The following FRMPD4 variants were observed in gnomAD, a reference collection of about 807,000 sequenced individuals.
The protein encoded by FRMPD4 is FERM and PDZ domain containing 4.
A neutral mutation model predicts 94.1 loss-of-function variants in FRMPD4; 22 were observed. The ratio of observed to expected loss-of-function variants is 0.23; its 90% CI spans 0.17 to 0.33. The LOEUF (loss-of-function observed/expected upper bound fraction) is 0.33. Ranked by LOEUF, FRMPD4 falls within the 10% of genes least tolerant of loss-of-function variation. The pLI is 1.00. For synonymous variants in FRMPD4, 631 were observed against 548.6 expected, an observed-to-expected ratio of 1.15 and a Z score of -2.10; for missense variants, 1,111 against 1,339.9, an observed-to-expected ratio of 0.83 and a Z score of 2.67.
intron 1 of FRMPD4, among the ~76,000 whole-genome samples, chrX:12,284,882 C>T (rs758661817): frequency 8.9e-6 from 1 of 112,024 alleles, no homozygotes; most frequent in East Asian, 2.8e-4. Flanking sequence ...CTCTATGCCT[C>T]AGTTTTCTCA....
At chrX:12,065,076 G>A (rs2054910772) in intron 3 of FRMPD4, among the ~76,000 whole-genome samples, 1 of 112,412 alleles carries the variant, frequency 8.9e-6, no homozygotes, top group African/African-American at 3.2e-5. Flanking sequence ...GTTAAAGGAT[G>A]TAAAGATTCC....
chrX:12,587,254 C>A (rs189327418), intron 2 of FRMPD4, among the ~76,000 whole-genome samples: 1 of 111,820 alleles, frequency 8.9e-6, no homozygotes, highest in Non-Finnish European at 1.9e-5. Flanking sequence ...GGATTACAGG[C>A]GTGAGCCACC....
At chrX:12,606,365 T>A (rs1009749640) in intron 2 of FRMPD4, among the ~76,000 whole-genome samples, 1 of 111,772 alleles carries the variant, frequency 8.9e-6, no homozygotes, top group Non-Finnish European at 1.9e-5. Context: ...CAAACTTCAT[T>A]GGACTTGGGA....
At chrX:11,827,458 C>A (rs187809989) in intron 1 of FRMPD4, among the ~76,000 whole-genome samples, 1 of 111,245 alleles carries the variant, frequency 9.0e-6, no homozygotes, top group Non-Finnish European at 1.9e-5. Context: ...CTGAAAGAAT[C>A]TGGACTTGAG....
intron 1 of FRMPD4, among the ~76,000 whole-genome samples, chrX:12,212,540 T>A (rs1412108426): frequency 9.0e-6 from 1 of 111,427 alleles, no homozygotes; most frequent in Non-Finnish European, 1.9e-5. Flanking sequence ...CTCTGAGAAC[T>A]GAGCGGTGTT....
chrX:12,436,346 C>CT (rs2057067362), intron 1 of FRMPD4, among the ~76,000 whole-genome samples: 2 of 110,968 alleles, frequency 1.8e-5, no homozygotes, highest in African/African-American at 6.6e-5. Flanking sequence ...CCCTCTCTCT[C>CT]TTTTTTCCTC....
chrX:12,146,375 A>AG (rs2055769637), intron 1 of FRMPD4, among the ~76,000 whole-genome samples: 1 of 109,921 alleles, frequency 9.1e-6, no homozygotes, highest in Non-Finnish European at 1.9e-5. Context: ...AAAAAAAAAA[A>AG]GAAAAGAAAA....
rs181935177 is a variant in FRMPD4, at chrX:12,057,584, T to C, written c.95+179566T>C. 7.5e-3 allele frequency among the ~76,000 whole-genome samples: 839 copies of C among 111,647 alleles called. 4 individuals are homozygous for C. Among genetic ancestry groups the C allele is most frequent in the Non-Finnish European group, 0.011 (606 of 53,051 alleles). On this transcript the variant is annotated intron_variant, in intron 3 of 18. Transcript: ENST00000640291. ...TAGAGTGTTTGTTTTCTATTCCTAG[T>C]AACCACAAACAGTGGCTTAAAACAG...
intron 3 of FRMPD4, among the ~76,000 whole-genome samples, chrX:12,080,706 T>C (rs1601923860): frequency 8.9e-6 from 1 of 112,316 alleles, no homozygotes; most frequent in Non-Finnish European, 1.9e-5. Flanking sequence ...CTAGAAATTA[T>C]GTATTATGTG....
chrX:11,906,958 T>C (rs749413681), intron 3 of FRMPD4, among the ~76,000 whole-genome samples: 4 of 111,307 alleles, frequency 3.6e-5, no homozygotes, highest in African/African-American at 6.5e-5. Flanking sequence ...TCATGTTTAC[T>C]GATTCTTCTG....
intron 1 of FRMPD4, among the ~76,000 whole-genome samples, chrX:12,309,576 G>C (rs1412034357): frequency 9.0e-6 from 1 of 111,148 alleles, no homozygotes; most frequent in Non-Finnish European, 1.9e-5. Flanking sequence ...GCAGACTTCT[G>C]CACAGTGATG....
chrX:12,385,498 T>C (rs141457834), intron 1 of FRMPD4, among the ~76,000 whole-genome samples: 1,317 of 112,267 alleles, frequency 0.012, 8 homozygotes, highest in Non-Finnish European at 0.017. Context: ...AGGGACAAGG[T>C]CAGTCCTTCA....
chrX:12,653,446 A>G (rs1242553401), intron 4 of FRMPD4, among the ~76,000 whole-genome samples: 1 of 112,175 alleles, frequency 8.9e-6, no homozygotes, highest in Non-Finnish European at 1.9e-5. Context: ...TCTTTTAGTA[A>G]TGTCACTTTT....
intron 3 of FRMPD4, among the ~76,000 whole-genome samples, chrX:11,887,206 C>T (rs1484888571): frequency 8.9e-6 from 1 of 112,011 alleles, no homozygotes; most frequent in African/African-American, 3.2e-5. Context: ...CTTCTTGTTT[C>T]TTCTTGTTTC....
intron 3 of FRMPD4, among the ~76,000 whole-genome samples, chrX:12,116,289 T>C (rs2055408183): frequency 8.9e-6 from 1 of 112,424 alleles, no homozygotes; most frequent in Non-Finnish European, 1.9e-5. Flanking sequence ...TTTCTCTCTT[T>C]TTGCTGGGCT....
rs1306850286 is a variant in FRMPD4 at position 12,494,999 on chromosome X, C to A, written c.42-3681C>A. On this transcript the variant is annotated intron_variant, in intron 1 of 16. Transcript: ENST00000675598. ...TCACAGGACATCAGAATTGCAAGAA[C>A]TCTCAAGGCCTTGCCTGAGCCCGGT... The A allele has an allele frequency of 9.7e-6, 7 of 718,157 alleles. No individual in the cohort carries two copies. The East Asian group carries it at 9.2e-4, about 95-fold the overall frequency. 59.2% of individuals were successfully genotyped at this position (718,157 alleles called of 1,213,427 possible).
At chrX:12,720,422 C>T (rs772144879) in intron 16 of FRMPD4, 112 bp from the exon 17 acceptor site, 5 of 803,904 alleles carry the variant, frequency 6.2e-6, no homozygotes, top group East Asian at 3.2e-5. Context: ...ATCGGCAGCC[C>T]TTCCAGACTA....
intron 3 of FRMPD4, among the ~76,000 whole-genome samples, chrX:12,065,337 G>A (rs770247721): frequency 8.9e-6 from 1 of 112,258 alleles, no homozygotes; most frequent in South Asian, 3.7e-4. Flanking sequence ...GTAGAAGAAG[G>A]GAAGAAAGGG....
rs5979567 is a variant in FRMPD4 at position 12,288,966 on chromosome X, G to T, written c.41+149954G>T. On this transcript the variant is annotated intron_variant, in intron 1 of 16. Transcript: ENST00000675598. ...ATGAGCTGATTCAGCACAGTGCTAG[G>T]AGGAGCTTAGGAAATGATGAATATT... Among the ~76,000 whole-genome samples the T allele has an allele frequency of 4.9e-3, 545 of 112,253 alleles. 4 individuals are homozygous for T. Among genetic ancestry groups the T allele is most frequent in the African/African-American group, 0.016 (505 of 30,929 alleles).
Sources: allele counts gnomAD v4.1 joint callset (sites outside exome capture counted in the v4.1 genomes callset), GRCh38; gene constraint gnomAD v4.1.1; transcripts MANE v1.5; gene names NCBI Gene and HGNC (gene_info 2026-07-23, HGNC 2026-07-21).